The following GALNT5 variants were observed in gnomAD, a reference collection of about 807,000 sequenced individuals.
The protein encoded by GALNT5 is polypeptide N-acetylgalactosaminyltransferase 5, also known as UDP-GalNAc:polypeptide N-acetylgalactosaminyltransferase 5.
GALNT5 carries 72 observed loss-of-function variants against 85.4 expected under a neutral mutation model. The observed-to-expected ratio is 0.84, with a 90% CI of 0.70 to 1.03. The LOEUF (loss-of-function observed/expected upper bound fraction) is 1.03. Ranked by LOEUF, GALNT5 falls within the 50% of genes least tolerant of loss-of-function variation. The pLI, the probability that GALNT5 is intolerant of heterozygous loss-of-function variation, is 0.00. For missense variants in GALNT5, 1,137 were observed against 1,135.5 expected (o/e 1.00, Z -0.02); for synonymous variants, 404 against 397.0 (o/e 1.02, Z -0.21).
intron 1 of GALNT5, among the ~76,000 whole-genome samples, chr2:157,261,453 C>A (rs1040772876): frequency 6.6e-6 from 1 of 152,178 alleles, no homozygotes; most frequent in Non-Finnish European, 1.5e-5. Flanking sequence ...AGGAGGTTGT[C>A]CCAACTGTAG....
intron 9 of GALNT5, among the ~76,000 whole-genome samples, chr2:157,310,076 T>C (rs980381774): frequency 6.6e-6 from 1 of 152,170 alleles, no homozygotes; most frequent in African/African-American, 2.4e-5. Context: ...ATCTCCAGAA[T>C]TGAATCTTGG....
intron 9 of GALNT5, among the ~76,000 whole-genome samples, chr2:157,310,880 G>C (rs759114304): frequency 2.0e-5 from 3 of 152,072 alleles, no homozygotes; most frequent in Non-Finnish European, 2.9e-5. Context: ...CAATGAAGTA[G>C]TTATCATCTA....
intron 1 of GALNT5, among the ~76,000 whole-genome samples, chr2:157,270,093 C>T (rs1574013880): frequency 6.6e-6 from 1 of 152,238 alleles, no homozygotes. Flanking sequence ...CTCCCTTTCA[C>T]TCAGGCTATT....
At position 157,266,520 on chromosome 2, in the gene GALNT5, T is replaced by C. The variant is rs114672169; in HGVS notation, c.1454+6984T>C. On this transcript the variant is annotated intron_variant, in intron 1 of 9. Transcript: ENST00000259056. ...CTTCACACACAAAGAAAATGCTTAG[T>C]TTTGTTTCAGTCAGTGATGTGTGTG... Among the ~76,000 whole-genome samples the C allele has an allele frequency of 3.6e-3, 554 of 152,326 alleles. 5 individuals carry two copies. The highest frequency in any genetic ancestry group is 0.012 in the African/African-American group (509 of 41,572).
intron 9 of GALNT5, among the ~76,000 whole-genome samples, chr2:157,309,634 G>T (rs1683526265): frequency 6.6e-6 from 1 of 152,152 alleles, no homozygotes; most frequent in Non-Finnish European, 1.5e-5. Context: ...TATCCCCAAA[G>T]TAAGCACCTT....
chr2:157,280,582 C>CTAATA (rs953887161), intron 1 of GALNT5, among the ~76,000 whole-genome samples: 3 of 152,150 alleles, frequency 2.0e-5, no homozygotes, highest in African/African-American at 7.2e-5. Context: ...TCAGAAGAAA[C>CTAATA]TAATATAAAT....
At chr2:157,296,568 A>G (rs1487126671) in intron 5 of GALNT5, 55 bp downstream of exon 5, 2 of 1,427,832 alleles carry the variant, frequency 1.4e-6, no homozygotes, top group Non-Finnish European at 9.8e-7. Context: ...TTGTAAAAGC[A>G]TTAAAAAATT....
At chr2:157,274,133 G>A (rs1191559273) in intron 1 of GALNT5, among the ~76,000 whole-genome samples, 1 of 152,122 alleles carries the variant, frequency 6.6e-6, no homozygotes, top group Non-Finnish European at 1.5e-5. Flanking sequence ...CTTCATCCAT[G>A]TACCTACAAA....
At chr2:157,268,080 T>G (rs1191990390) in intron 1 of GALNT5, among the ~76,000 whole-genome samples, 1 of 152,168 alleles carries the variant, frequency 6.6e-6, no homozygotes, top group Non-Finnish European at 1.5e-5. Flanking sequence ...AAGGCAGTAG[T>G]TGAATTGCAA....
intron 1 of GALNT5, among the ~76,000 whole-genome samples, chr2:157,264,015 T>C (rs970738528): frequency 1.3e-5 from 2 of 152,208 alleles, no homozygotes; most frequent in Admixed American, 6.5e-5. Context: ...TACAACTTCA[T>C]TGTTGCCTAG....
chr2:157,294,590 C>T (rs548916646), intron 3 of GALNT5, among the ~76,000 whole-genome samples: 5 of 152,158 alleles, frequency 3.3e-5, no homozygotes, highest in Admixed American at 2.0e-4. Flanking sequence ...AGACCTGGAC[C>T]GCAACTCCCT....
chr2:157,290,629 G>A (rs1683080127), intron 3 of GALNT5, among the ~76,000 whole-genome samples: 1 of 152,068 alleles, frequency 6.6e-6, no homozygotes, highest in South Asian at 2.1e-4. Context: ...GCCAAACAAG[G>A]AGTTTAAAGA....
Position 157,290,398 on chromosome 2 carries a change from T to C in GALNT5, c.1741+4264T>C, listed in dbSNP as rs950377708. Reference sequence around the variant, plus strand: ...TGCTGGGAAGTACACCTGTCCCCTGTGGGGAATTCAAGGCAATGCAGGATC... The same window carrying C: ...TGCTGGGAAGTACACCTGTCCCCTGCGGGGAATTCAAGGCAATGCAGGATC... On this transcript the variant is annotated intron_variant, in intron 3 of 9. Transcript: ENST00000259056. Among the ~76,000 whole-genome samples the C allele has an allele frequency of 2.0e-5, 3 of 152,088 alleles. No individual in the cohort carries two copies. The South Asian group carries it at 6.2e-4, about 32-fold the overall frequency.
intron 1 of GALNT5, among the ~76,000 whole-genome samples, chr2:157,275,388 G>A (rs1682699821): frequency 1.3e-5 from 2 of 152,166 alleles, no homozygotes; most frequent in Admixed American, 1.3e-4. Flanking sequence ...TAGCTTGATA[G>A]GGATGGCACT....
chr2:157,305,632 A>G, intron 7 of GALNT5, 117 bp from the exon 8 acceptor site: 1 of 640,454 alleles, frequency 1.6e-6, no homozygotes. Context: ...AAGTAATGCT[A>G]AGCTATTAAC....
intron 1 of GALNT5, among the ~76,000 whole-genome samples, chr2:157,279,042 T>G (rs1682799202): frequency 6.6e-6 from 1 of 152,270 alleles, no homozygotes; most frequent in Non-Finnish European, 1.5e-5. Context: ...TATTCCTTTC[T>G]GTTTGTTAGT....
intron 2 of GALNT5, among the ~76,000 whole-genome samples, chr2:157,285,580 T>C (rs539267659): frequency 6.6e-6 from 1 of 152,276 alleles, no homozygotes; most frequent in South Asian, 2.1e-4. Context: ...TGGAAGGGGA[T>C]GTCAGAGTAG....
rs931014012 is a variant in GALNT5 at position 157,317,859 on chromosome 2, A to G, written c.*6511A>G. On this transcript the variant is annotated 3_prime_UTR_variant, in exon 10 of 10. Transcript: ENST00000259056. ...TGTGTTTGTATTGATTGCCTGGCTC[A>G]GTTATCTCATGTTCTTCATGAACTA... is the stretch of plus-strand genomic sequence containing the variant. Among the ~76,000 whole-genome samples, 1 of 152,120 alleles carries G rather than the reference A, an allele frequency of 6.6e-6. No individual in the cohort carries two copies. Among genetic ancestry groups the G allele is most frequent in the East Asian group, 1.9e-4 (1 of 5,200 alleles).
chr2:157,260,310 C>G (rs992892863), intron 1 of GALNT5, among the ~76,000 whole-genome samples: 8 of 152,242 alleles, frequency 5.3e-5, no homozygotes, highest in Non-Finnish European at 1.2e-4. Flanking sequence ...AATTAACAAG[C>G]TGGCGAGGGC....
Sources: allele counts gnomAD v4.1 joint callset (sites outside exome capture counted in the v4.1 genomes callset), GRCh38; gene constraint gnomAD v4.1.1; transcripts MANE v1.5; gene names NCBI Gene and HGNC (gene_info 2026-07-23, HGNC 2026-07-21).